SMARCA4: variants seen among roughly 807,000 people sequenced by gnomAD.
SMARCA4 encodes the protein SWI/SNF-related matrix-associated actin-dependent regulator of chromatin subfamily A member 4.
SMARCA4 carries 31 observed loss-of-function variants against 193.9 expected under a neutral mutation model. The observed-to-expected ratio is 0.16, with a 90% CI of 0.12 to 0.22. The LOEUF (loss-of-function observed/expected upper bound fraction) is 0.22. Among genes scored for constraint, SMARCA4 ranks in the 10% least tolerant of loss-of-function variants. The pLI is 1.00. For synonymous variants in SMARCA4, 942 were observed against 933.1 expected (o/e 1.01, Z -0.17); for missense variants, 1,148 against 2,296.0 (o/e 0.50, Z 10.22).
At position 11,027,773 on chromosome 19, in the gene SMARCA4, C is replaced by T. The variant is rs566308079; in HGVS notation, c.3216-11C>T. The T allele has an allele frequency of 1.9e-6, 3 of 1,613,984 alleles. No individual in the cohort carries two copies. Among genetic ancestry groups the T allele is most frequent in the South Asian group, 2.2e-5 (2 of 91,090 alleles). On this transcript the variant is annotated splice_polypyrimidine_tract_variant and intron_variant, in intron 23 of 34. Transcript: ENST00000344626. ...TCCTGCGCCTTCTCTCCTGCCTCCT[C>T]CACACTCCAGGCTGGACCTGTACCG...
Position 10,985,850 on chromosome 19 carries a change from G to A in SMARCA4, c.356-339G>A, listed in dbSNP as rs963896715. On this transcript the variant is annotated intron_variant, in intron 3 of 34. Coordinates refer to ENST00000344626, the MANE Select transcript of SMARCA4 (RefSeq NM_003072.5). The surrounding 1 kb of genome is among the most constrained non-coding windows in gnomAD (Gnocchi z 4.5). Reference sequence around the variant, plus strand: ...GTGGGAAGCTCAGGGGCTGCACTGGGAATGGAAGTGTTGGGGGTGGGCCTG... The same window carrying A: ...GTGGGAAGCTCAGGGGCTGCACTGGAAATGGAAGTGTTGGGGGTGGGCCTG... Among the ~76,000 whole-genome samples the A allele has an allele frequency of 1.3e-5, 2 of 152,182 alleles. No individual in the cohort carries two copies. Among genetic ancestry groups the A allele is most frequent in the Non-Finnish European group, 2.9e-5 (2 of 68,032 alleles).
intron 13 of SMARCA4, among the ~76,000 whole-genome samples, chr19:11,007,267 T>C (rs2088312694): frequency 6.6e-6 from 1 of 151,794 alleles, no homozygotes; most frequent in African/African-American, 2.4e-5. Context: ...CCGTCTCTAC[T>C]AAAAATACAA....
At chr19:10,966,456 G>T (rs1249420784) in intron 1 of SMARCA4, among the ~76,000 whole-genome samples, 2 of 151,974 alleles carry the variant, frequency 1.3e-5, no homozygotes, top group East Asian at 3.9e-4. Context: ...GCCAAGCATG[G>T]TGTTGCACAC....
intron 1 of SMARCA4, among the ~76,000 whole-genome samples, chr19:10,963,892 G>A (rs1487365490): frequency 6.6e-6 from 1 of 151,906 alleles, no homozygotes; most frequent in Non-Finnish European, 1.5e-5. Flanking sequence ...CCATGATTGA[G>A]CCACTGCACT....
intron 29 of SMARCA4, 133 bp downstream of exon 29, chr19:11,035,265 A>G: frequency 1.2e-6 from 1 of 855,036 alleles, no homozygotes; most frequent in South Asian, 1.4e-5. Flanking sequence ...CAGGCTCCGC[A>G]GGCAGCCGAG....
intron 1 of SMARCA4, among the ~76,000 whole-genome samples, chr19:10,968,018 A>G (rs1162822739): frequency 6.6e-6 from 1 of 151,590 alleles, no homozygotes; most frequent in Non-Finnish European, 1.5e-5. Context: ...CTGAGACTAC[A>G]GGCGCCCACC....
At chr19:11,018,506 G>A (rs1462834690) in intron 16 of SMARCA4, among the ~76,000 whole-genome samples, 1 of 152,060 alleles carries the variant, frequency 6.6e-6, no homozygotes, top group Non-Finnish European at 1.5e-5. Context: ...CTCTCTCACA[G>A]TCAGGAACCT....
At chr19:10,963,921 C>A (rs926929337) in intron 1 of SMARCA4, among the ~76,000 whole-genome samples, 1 of 151,882 alleles carries the variant, frequency 6.6e-6, no homozygotes, top group Admixed American at 6.6e-5. Flanking sequence ...GGTGACGAAG[C>A]GAGACCCTGT....
At position 11,016,816 on chromosome 19, in the gene SMARCA4, C is replaced by T. The variant is rs564845473; in HGVS notation, c.2439-2141C>T. On this transcript the variant is annotated intron_variant, in intron 16 of 34. Coordinates refer to ENST00000344626, the MANE Select transcript of SMARCA4 (RefSeq NM_003072.5). ...CTGTCCTTTGACACGCCCCCAGCAT[C>T]GGGTGAATTTTGAGGACTTTCTTGC... 1.7e-4 allele frequency among the ~76,000 whole-genome samples: 26 copies of T among 152,226 alleles called. 1 individual carries two copies. The South Asian group carries it at 2.5e-3, about 15-fold the overall frequency.
At chr19:11,012,875 C>A (rs2146273009) in intron 15 of SMARCA4, 74 bp from the exon 16 acceptor site, 1 of 1,437,648 alleles carries the variant, frequency 7.0e-7, no homozygotes, top group Non-Finnish European at 9.8e-7. Flanking sequence ...GGTGTCTTGA[C>A]TCTCTGAAGT....
chr19:10,980,367 A>C (rs2085462128), intron 1 of SMARCA4, among the ~76,000 whole-genome samples: 1 of 151,906 alleles, frequency 6.6e-6, no homozygotes, highest in South Asian at 2.1e-4. Context: ...TCTTCAGTGT[A>C]CTCTGTTTTT....
chr19:11,016,204 C>T (rs1278652239), intron 16 of SMARCA4, among the ~76,000 whole-genome samples: 1 of 152,012 alleles, frequency 6.6e-6, no homozygotes, highest in Non-Finnish European at 1.5e-5. Context: ...CACGAGAGTT[C>T]AGAGAGCAGG....
At chr19:11,013,153 A>T (rs1376006840) in intron 16 of SMARCA4, 41 bp downstream of exon 16, 1 of 1,606,710 alleles carries the variant, frequency 6.2e-7, no homozygotes, top group Admixed American at 1.7e-5. Context: ...CGCCGCTCAC[A>T]CGCTCCTGTG....
chr19:11,045,274 C>T (rs1402596578), intron 30 of SMARCA4, among the ~76,000 whole-genome samples: 2 of 151,890 alleles, frequency 1.3e-5, no homozygotes, highest in Non-Finnish European at 2.9e-5. Flanking sequence ...GAGCCGAGAC[C>T]GCGCCACGGC....
intron 13 of SMARCA4, 46 bp from the exon 14 acceptor site, chr19:11,007,856 C>A (rs765342749): frequency 6.8e-6 from 11 of 1,608,910 alleles, no homozygotes; most frequent in African/African-American, 1.3e-5. Context: ...CCCGTCCCCC[C>A]TCTCTGGGGG....
rs1474463438 is a variant in SMARCA4 at position 11,034,079 on chromosome 19, C to A, written c.3874-44C>A. The A allele has an allele frequency of 3.9e-6, 6 of 1,525,870 alleles. No individual in the cohort carries two copies. The highest frequency in any genetic ancestry group is 1.7e-5 in the Admixed American group (1 of 59,932). The allele number at this position is 1,525,870 out of a possible 1,614,324, so 94.5% of individuals were successfully genotyped here. A position where few individuals can be genotyped will look rare whatever the true frequency, so the allele number is the denominator to read the frequency against. Reference sequence around the variant, plus strand: ...CGCCTCTGAGCTCGGCCGCCGCCCACCCCGGCCCCTCCTCAGCGGCACTGA... The same window carrying A: ...CGCCTCTGAGCTCGGCCGCCGCCCAACCCGGCCCCTCCTCAGCGGCACTGA... On this transcript the variant is annotated intron_variant, in intron 27 of 34. Coordinates refer to ENST00000344626, the MANE Select transcript of SMARCA4 (RefSeq NM_003072.5). This position sits in a 1 kb window ranked among gnomAD's most constrained non-coding sequence, Gnocchi z 7.0.
In SMARCA4 at chr19:11,060,026, C is replaced by T. The variant is rs539184412; in HGVS notation, c.4769-19C>T. 4.4e-6 allele frequency: 7 copies of T among 1,581,338 alleles called. No individual in the cohort carries two copies. The East Asian group carries it at 9.3e-5, about 21-fold the overall frequency. On this transcript the variant is annotated intron_variant, in intron 33 of 34. Transcript: ENST00000344626. ...ATTCCCAGAGCTCAAGGCTGTCTTT[C>T]CCTCCCGGTCCCCTCCAGCTCGGTC...
rs1194480117 is a variant in SMARCA4, at chr19:11,059,655, AG to A, written c.4636-94del. On this transcript the variant is annotated intron_variant, in intron 32 of 34. Transcript: ENST00000344626. The stretch of plus-strand genomic sequence containing the variant: ...CGCATTGGCCACTGATCAGCTGTCC[AG>A]GGGCAACACAGGGCTGGGGCTGGGG... 4 of 1,380,810 alleles carry A rather than the reference AG, an allele frequency of 2.9e-6. No individual in the cohort carries two copies. In the Admixed American group the frequency reaches 7.9e-5, roughly 27 times the overall value. The allele number at this position is 1,380,810 out of a possible 1,614,324, so 85.5% of individuals were successfully genotyped here.
chr19:11,027,513 C>T (rs187951385), intron 23 of SMARCA4, among the ~76,000 whole-genome samples: 1 of 152,208 alleles, frequency 6.6e-6, no homozygotes, highest in Admixed American at 6.5e-5. Flanking sequence ...ACTCACAGCT[C>T]CTCTCATTTT....
Sources: gnomAD v4.1 joint callset for allele counts (sites outside exome capture counted in the v4.1 genomes callset) on GRCh38, gnomAD v4.1.1 for gene constraint, Gnocchi (gnomAD v3.1) non-coding constraint, MANE v1.5 for transcripts, NCBI Gene and HGNC (gene_info 2026-07-23, HGNC 2026-07-21) for gene names.